The following YIPF4 variants were observed in gnomAD, a reference collection of about 807,000 sequenced individuals.
The protein encoded by YIPF4 is Yip1 domain family member 4, also known as protein YIPF4.
YIPF4 carries 18 observed loss-of-function variants against 29.4 expected under a neutral mutation model. The ratio of observed to expected loss-of-function variants is 0.61; its 90% CI spans 0.42 to 0.91. YIPF4 has a LOEUF of 0.91. Ranked by LOEUF, YIPF4 falls within the 40% of genes least tolerant of loss-of-function variation. YIPF4 has a pLI of 0.00. For missense variants in YIPF4, 279 were observed against 282.7 expected, an observed-to-expected ratio of 0.99 and a Z score of 0.09; for synonymous variants, 115 against 104.7, an observed-to-expected ratio of 1.10 and a Z score of -0.60.
In YIPF4 at chr2:32,297,349, G is replaced by A. The variant is rs547772375; in HGVS notation, c.406-885G>A. On this transcript the variant is annotated intron_variant, in intron 3 of 5. Coordinates refer to ENST00000238831, the MANE Select transcript of YIPF4 (RefSeq NM_032312.4). ...TTGGTCAGGCTGGTCTTGAACTCCC[G>A]ACCTCAGGTTATCTGCCTGCCTCAG... 7.9e-5 allele frequency among the ~76,000 whole-genome samples: 12 copies of A among 151,898 alleles called. No individual in the cohort carries two copies. In the East Asian group the frequency reaches 1.6e-3, roughly 20 times the overall value.
intron 1 of YIPF4, among the ~76,000 whole-genome samples, chr2:32,282,455 C>G (rs932197735): frequency 1.3e-5 from 2 of 152,084 alleles, no homozygotes; most frequent in East Asian, 1.9e-4. Flanking sequence ...GTTTTTGAGA[C>G]GGAGTCTCGC....
In YIPF4 at chr2:32,290,524, C is replaced by G. The variant is rs553812039; in HGVS notation, c.121C>G (p.Leu41Val). ...SIASPDVKLN[L>V]GGDFIKESTA... is the part of the protein sequence containing the mutation. ...AGCATCCCCAGATGTCAAATTAAAT[C>G]TTGGTGGAGATTTTATCAAAGAATC... The change falls in exon 2 of 6, where the codon CTT (leucine) becomes GTT (valine). Residue 41 changes from leucine (L) to valine (V), a missense_variant. Transcript: ENST00000238831. 1 of 1,577,886 alleles carries G rather than the reference C, an allele frequency of 6.3e-7. No homozygotes were observed. The highest frequency in any genetic ancestry group is 2.4e-5 in the East Asian group (1 of 42,254).
At position 32,312,943 on chromosome 2, in the gene YIPF4, AT is replaced by A. The variant is rs1274603847; in HGVS notation, c.*7318del. 3 of 152,254 alleles carry A rather than the reference AT, an allele frequency of 2.0e-5. No homozygotes were observed. Among genetic ancestry groups the A allele is most frequent in the Non-Finnish European group, 4.4e-5 (3 of 68,186 alleles). 9.4% of individuals were successfully genotyped at this position (152,254 alleles called of 1,614,324 possible). On this transcript the variant is annotated 3_prime_UTR_variant, in exon 6 of 6. Transcript: ENST00000238831. ...GAGGCGGAGCTTGCAGTAAGCAGAG[AT>A]CGCGCCACTGCACTCCCGCCTGGGT...
chr2:32,305,903 T>C lies in YIPF4; in HGVS notation c.*277T>C. ...TTGTGTTTTTAAGATTGTGTCGATA[T>C]TCACCTAAAAACTTGTGCCAAAAGC... On this transcript the variant is annotated 3_prime_UTR_variant, in exon 6 of 6. Transcript: ENST00000238831. 9.6e-7 allele frequency: 1 copy of C among 1,046,548 alleles called. No individual in the cohort carries two copies. Among genetic ancestry groups the C allele is most frequent in the Non-Finnish European group, 1.1e-6 (1 of 870,772 alleles). The allele number at this position is 1,046,548 out of a possible 1,614,324, so 64.8% of individuals were successfully genotyped here.
intron 3 of YIPF4, among the ~76,000 whole-genome samples, chr2:32,297,185 C>A: frequency 6.6e-6 from 1 of 151,702 alleles, no homozygotes; most frequent in East Asian, 1.9e-4. Flanking sequence ...AGTGCAATGG[C>A]GCAATCTTGG....
Position 32,312,705 on chromosome 2 carries a change from C to G in YIPF4, c.*7079C>G, listed in dbSNP as rs535298102. On this transcript the variant is annotated 3_prime_UTR_variant, in exon 6 of 6. Coordinates refer to ENST00000238831, the MANE Select transcript of YIPF4 (RefSeq NM_032312.4). Reference sequence around the variant, plus strand: ...TACAGTGATAATGCAAAAAAGACCCCCAATAGGCCGGGCGCGGTGGCTCAC... The same window carrying G: ...TACAGTGATAATGCAAAAAAGACCCGCAATAGGCCGGGCGCGGTGGCTCAC... 4.0e-5 allele frequency: 6 copies of G among 150,980 alleles called. No homozygotes were observed. The highest frequency in any genetic ancestry group is 1.5e-4 in the African/African-American group (6 of 40,996). 9.4% of individuals were successfully genotyped at this position (150,980 alleles called of 1,614,324 possible). A position where few individuals can be genotyped will look rare whatever the true frequency, so the allele number is the denominator to read the frequency against.
At chr2:32,279,454 G>C (rs189679537) in intron 1 of YIPF4, among the ~76,000 whole-genome samples, 2 of 132,128 alleles carry the variant, frequency 1.5e-5, no homozygotes, top group East Asian at 4.6e-4. Flanking sequence ...CTGGAGTGCA[G>C]TGATGCCATC....
intron 1 of YIPF4, among the ~76,000 whole-genome samples, chr2:32,282,920 C>G (rs1262036756): frequency 2.0e-5 from 3 of 151,374 alleles, no homozygotes; most frequent in Non-Finnish European, 4.4e-5. Flanking sequence ...ACTAAAAATA[C>G]AAAAAAATTA....
At position 32,309,190 on chromosome 2, in the gene YIPF4, C is replaced by G. The variant is rs1189412372; in HGVS notation, c.*3564C>G. On this transcript the variant is annotated 3_prime_UTR_variant, in exon 6 of 6. Coordinates refer to ENST00000238831, the MANE Select transcript of YIPF4 (RefSeq NM_032312.4). ...AATAATGTGTCCATTTCCAGGAATT[C>G]CCCAAATACTCATACAGCCATTGAG... 2 of 152,020 alleles carry G rather than the reference C, an allele frequency of 1.3e-5. No homozygotes were observed. The highest frequency in any genetic ancestry group is 4.8e-5 in the African/African-American group (2 of 41,402). The allele number at this position is 152,020 out of a possible 1,614,324, so 9.4% of individuals were successfully genotyped here.
At position 32,310,584 on chromosome 2, in the gene YIPF4, A is replaced by G. The variant is rs1479641306; in HGVS notation, c.*4958A>G. ...TCAATCCTAGTTTGTTTGGGAAAAA[A>G]AAATTGTTTGTATGCCTGGGTACAG... On this transcript the variant is annotated 3_prime_UTR_variant, in exon 6 of 6. Transcript: ENST00000238831. The G allele has an allele frequency of 6.6e-6, 1 of 152,194 alleles. No individual in the cohort carries two copies. The highest frequency in any genetic ancestry group is 6.5e-5 in the Admixed American group (1 of 15,280). The allele number at this position is 152,194 out of a possible 1,614,324, so 9.4% of individuals were successfully genotyped here.
intron 1 of YIPF4, among the ~76,000 whole-genome samples, chr2:32,287,994 G>C (rs1573529064): frequency 6.6e-6 from 1 of 152,316 alleles, no homozygotes; most frequent in Non-Finnish European, 1.5e-5. Flanking sequence ...AAGCTAGCTT[G>C]TTCTTACTCT....
In YIPF4 at chr2:32,308,050, A is replaced by T. The variant is rs2148969319; in HGVS notation, c.*2424A>T. ...TCCTCTCCTTGAATTTTTATATAATAATATTTTCTGAGTCATAACTAATTT... is the reference window on the plus strand; with the variant it reads ...TCCTCTCCTTGAATTTTTATATAATTATATTTTCTGAGTCATAACTAATTT... On this transcript the variant is annotated 3_prime_UTR_variant, in exon 6 of 6. Coordinates refer to ENST00000238831, the MANE Select transcript of YIPF4 (RefSeq NM_032312.4). The T allele has an allele frequency of 6.6e-6, 1 of 152,002 alleles. No individual in the cohort carries two copies. The highest frequency in any genetic ancestry group is 2.4e-5 in the African/African-American group (1 of 41,486). 9.4% of individuals were successfully genotyped at this position (152,002 alleles called of 1,614,324 possible).
rs529157098 is a variant in YIPF4 at position 32,307,379 on chromosome 2, G to T, written c.*1753G>T. The T allele has an allele frequency of 1.1e-5, 2 of 178,624 alleles. No individual in the cohort carries two copies. The highest frequency in any genetic ancestry group is 1.4e-4 in the South Asian group (1 of 7,260). 11.1% of individuals were successfully genotyped at this position (178,624 alleles called of 1,614,324 possible). ...TTTAAGATCACCTCTATTAAAAAAT[G>T]GTTTAATTTTTAAAAACTATCATTG... On this transcript the variant is annotated 3_prime_UTR_variant, in exon 6 of 6. Coordinates refer to ENST00000238831, the MANE Select transcript of YIPF4 (RefSeq NM_032312.4).
chr2:32,300,521 G>A (rs1363502066), intron 4 of YIPF4, among the ~76,000 whole-genome samples: 3 of 151,078 alleles, frequency 2.0e-5, no homozygotes, highest in African/African-American at 7.3e-5. Flanking sequence ...ATGTTCAATC[G>A]AGCATCTTAA....
intron 3 of YIPF4, among the ~76,000 whole-genome samples, chr2:32,293,010 A>G (rs2030984456): frequency 1.3e-5 from 2 of 151,426 alleles, no homozygotes; most frequent in African/African-American, 2.4e-5. Flanking sequence ...TGTAATACTC[A>G]TATTCATATT....
At chr2:32,291,670 CT>C (rs1479231123) in intron 2 of YIPF4, among the ~76,000 whole-genome samples, 4 of 152,114 alleles carry the variant, frequency 2.6e-5, no homozygotes, top group African/African-American at 9.7e-5. Context: ...CATCAAAGGG[CT>C]ATCTCCTTAT....
chr2:32,297,367 T>C (rs1424245993), intron 3 of YIPF4, among the ~76,000 whole-genome samples: 2 of 152,002 alleles, frequency 1.3e-5, no homozygotes, highest in Non-Finnish European at 2.9e-5. Flanking sequence ...GTTATCTGCC[T>C]GCCTCAGCCT....
At chr2:32,281,582 C>T (rs1020061236) in intron 1 of YIPF4, among the ~76,000 whole-genome samples, 1 of 152,066 alleles carries the variant, frequency 6.6e-6, no homozygotes, top group African/African-American at 2.4e-5. Flanking sequence ...CTTTATTATT[C>T]CTGTATTCTA....
chr2:32,283,005 A>T (rs2030499991), intron 1 of YIPF4, among the ~76,000 whole-genome samples: 1 of 145,510 alleles, frequency 6.9e-6, no homozygotes, highest in Non-Finnish European at 1.5e-5. Flanking sequence ...TGAACCTGGG[A>T]GGTGGGGCTT....
Sources: gnomAD v4.1 joint callset for allele counts (sites outside exome capture counted in the v4.1 genomes callset) on GRCh38, gnomAD v4.1.1 for gene constraint, MANE v1.5 for transcripts, NCBI Gene and HGNC (gene_info 2026-07-23, HGNC 2026-07-21) for gene names.